Variants in GPR39 observed in about 807,000 individuals in gnomAD.
The protein encoded by GPR39 is G protein-coupled receptor 39.
GPR39 carries 23 observed loss-of-function variants against 18.4 expected under a neutral mutation model. The observed-to-expected ratio is 1.25, with a 90% CI of 0.90 to 1.77. The LOEUF (loss-of-function observed/expected upper bound fraction) is 1.77, where lower values mean the gene tolerates loss of function less well. GPR39 is among the 40% of genes most tolerant of loss of function. GPR39 has a pLI of 0.00. For synonymous variants in GPR39, 280 were observed against 257.9 expected, an observed-to-expected ratio of 1.09 and a Z score of -0.82; for missense variants, 647 against 602.4, an observed-to-expected ratio of 1.07 and a Z score of -0.78.
chr2:132,439,084 T>C (rs1011629849), intron 1 of GPR39, among the ~76,000 whole-genome samples: 1 of 152,174 alleles, frequency 6.6e-6, no homozygotes. Flanking sequence ...CCAACATAAA[T>C]AGCTTGGGAG....
chr2:132,441,394 TG>T (rs879301920), intron 1 of GPR39, among the ~76,000 whole-genome samples: 491 of 19,230 alleles, frequency 0.026, 3 homozygotes, highest in Middle Eastern at 0.11. Context: ...CTTTTTTTTT[TG>T]TTGTTGTTGT....
chr2:132,514,609 C>T (rs1437219794), intron 1 of GPR39, among the ~76,000 whole-genome samples: 1 of 152,170 alleles, frequency 6.6e-6, no homozygotes, highest in African/African-American at 2.4e-5. Flanking sequence ...TTTGCAGGCT[C>T]CTTGCAGGAT....
At chr2:132,636,484 A>G (rs1681758210) in intron 1 of GPR39, among the ~76,000 whole-genome samples, 1 of 152,226 alleles carries the variant, frequency 6.6e-6, no homozygotes, top group Admixed American at 6.5e-5. Flanking sequence ...ATGCCCATGC[A>G]GGAGAGACCT....
intron 1 of GPR39, among the ~76,000 whole-genome samples, chr2:132,507,854 G>A (rs2315593): frequency 0.53 from 80,282 of 152,020 alleles, 21,907 homozygotes; most frequent in East Asian, 0.95. Context: ...GCACAGGGCA[G>A]AGGAGAGTCC....
rs1052046964 is a variant in GPR39, at chr2:132,417,758, C to G, written c.716C>G (p.Ala239Gly). ...VVYLVVLLSVAFMCWNMMQVL... is the reference protein window; with the variant it reads ...VVYLVVLLSVGFMCWNMMQVL... ...TACCTCGTGGTCCTGCTCTCCGTAG[C>G]CTTCATGTGCTGGAACATGATGCAG... Residue 239 changes from alanine (A) to glycine (G), a missense_variant, in exon 1 of 2, where the codon GCC becomes GGC. By Grantham distance (60) the Ala-to-Gly change is moderately conservative. This residue lies in a region of GPR39 where 581 missense variants were observed against 506.8 expected (regional missense o/e 1.15). Transcript: ENST00000329321. 9.9e-6 allele frequency: 16 copies of G among 1,614,206 alleles called. No individual in the cohort carries two copies. Among genetic ancestry groups the G allele is most frequent in the Non-Finnish European group, 1.4e-5 (16 of 1,180,040 alleles).
chr2:132,634,859 G>A (rs116038286), intron 1 of GPR39, among the ~76,000 whole-genome samples: 2,444 of 152,274 alleles, frequency 0.016, 66 homozygotes, highest in African/African-American at 0.055. Flanking sequence ...ACTTGCATAT[G>A]TACTCTGTTT....
At chr2:132,610,503 A>T (rs1459685658) in intron 1 of GPR39, among the ~76,000 whole-genome samples, 1 of 152,178 alleles carries the variant, frequency 6.6e-6, no homozygotes, top group Non-Finnish European at 1.5e-5. Flanking sequence ...TTGGCTGGGC[A>T]CAGTGGCTCA....
chr2:132,614,836 C>T (rs372945048), intron 1 of GPR39, among the ~76,000 whole-genome samples: 3 of 152,190 alleles, frequency 2.0e-5, no homozygotes, highest in Admixed American at 6.5e-5. Context: ...CCACCATGCC[C>T]GGCCAAGGAG....
At chr2:132,607,965 A>T (rs1681170379) in intron 1 of GPR39, among the ~76,000 whole-genome samples, 2 of 152,192 alleles carry the variant, frequency 1.3e-5, no homozygotes, top group African/African-American at 4.8e-5. Context: ...AAAGAAGGCA[A>T]GAGGTGGCAG....
intron 1 of GPR39, among the ~76,000 whole-genome samples, chr2:132,452,788 C>T (rs533582263): frequency 4.7e-4 from 68 of 143,876 alleles, no homozygotes; most frequent in African/African-American, 1.5e-3. Flanking sequence ...TCATTCATGT[C>T]CCTGAAAAGG....
At chr2:132,606,699 GA>G (rs995403337) in intron 1 of GPR39, among the ~76,000 whole-genome samples, 4 of 152,194 alleles carry the variant, frequency 2.6e-5, no homozygotes, top group Non-Finnish European at 1.5e-5. Context: ...CCAGCGTGCC[GA>G]AAAAATTAGA....
chr2:132,458,634 T>C (rs1366260427), intron 1 of GPR39, among the ~76,000 whole-genome samples: 1 of 152,182 alleles, frequency 6.6e-6, no homozygotes. Flanking sequence ...ATTTTTCCTA[T>C]AATATTGCTT....
At chr2:132,422,086 G>T (rs1232975351) in intron 1 of GPR39, among the ~76,000 whole-genome samples, 1 of 152,108 alleles carries the variant, frequency 6.6e-6, no homozygotes, top group Non-Finnish European at 1.5e-5. Context: ...ATCCAATGTG[G>T]CTTGAGGGCA....
Position 132,416,886 on chromosome 2 carries a change from C to A in GPR39, c.-157C>A. ...CTGCTCCAGCAAGTTTCCATGAAAG[C>A]ACCTGAAATACTAAGTTACCTTCGC... On this transcript the variant is annotated 5_prime_UTR_variant, in exon 1 of 2. Coordinates refer to ENST00000329321, the MANE Select transcript of GPR39 (RefSeq NM_001508.3). The A allele has an allele frequency of 1.0e-6, 1 of 980,060 alleles. No homozygotes were observed. Among genetic ancestry groups the A allele is most frequent in the Non-Finnish European group, 1.5e-6 (1 of 674,562 alleles). 60.7% of individuals were successfully genotyped at this position (980,060 alleles called of 1,614,324 possible). A position where few individuals can be genotyped will look rare whatever the true frequency, so the allele number is the denominator to read the frequency against.
At chr2:132,515,571 T>C (rs1340250374) in intron 1 of GPR39, among the ~76,000 whole-genome samples, 2 of 152,182 alleles carry the variant, frequency 1.3e-5, no homozygotes, top group East Asian at 3.8e-4. Context: ...GTGAAGGAAA[T>C]TGAGAAGATC....
At chr2:132,520,835 G>A (rs1270717613) in intron 1 of GPR39, among the ~76,000 whole-genome samples, 1 of 152,214 alleles carries the variant, frequency 6.6e-6, no homozygotes, top group African/African-American at 2.4e-5. Context: ...TTCCAGCCCA[G>A]CCTCAACTGC....
chr2:132,475,752 C>T (rs980874848), intron 1 of GPR39, among the ~76,000 whole-genome samples: 1 of 152,202 alleles, frequency 6.6e-6, no homozygotes, highest in Non-Finnish European at 1.5e-5. Context: ...ACAAGAGTCT[C>T]TTTTTCTATG....
At chr2:132,465,717 A>G (rs1400328118) in intron 1 of GPR39, among the ~76,000 whole-genome samples, 1 of 152,220 alleles carries the variant, frequency 6.6e-6, no homozygotes, top group Middle Eastern at 3.2e-3. Context: ...CAAAAAGTAT[A>G]GGATTTAGAA....
chr2:132,456,633 T>C (rs1345755782), intron 1 of GPR39, among the ~76,000 whole-genome samples: 1 of 152,218 alleles, frequency 6.6e-6, no homozygotes, highest in East Asian at 1.9e-4. Flanking sequence ...TTTCTTTCCA[T>C]GTTTAGTGCT....
Sources: allele counts gnomAD v4.1 joint callset (sites outside exome capture counted in the v4.1 genomes callset), GRCh38; gene constraint gnomAD v4.1.1; regional missense constraint gnomAD v4.1.1; transcripts MANE v1.5; gene names NCBI Gene and HGNC (gene_info 2026-07-23, HGNC 2026-07-21).